Variants in IL6ST observed in about 807,000 individuals in gnomAD.
IL6ST encodes the protein interleukin 6 cytokine family signal transducer.
Under a neutral mutation model 91.3 loss-of-function variants are expected in IL6ST, and 24 were observed. That is an observed-to-expected ratio of 0.26 (90% CI 0.19 to 0.37). IL6ST has a LOEUF of 0.37. IL6ST is among the 10% of genes least tolerant of loss of function. IL6ST has a pLI of 1.00. For synonymous variants in IL6ST, 351 were observed against 373.6 expected, an observed-to-expected ratio of 0.94 and a Z score of 0.70; for missense variants, 914 against 1,078.5, an observed-to-expected ratio of 0.85 and a Z score of 2.14.
intron 9 of IL6ST, among the ~76,000 whole-genome samples, chr5:55,956,578 A>G (rs1453964597): frequency 6.6e-6 from 1 of 152,192 alleles, no homozygotes; most frequent in Admixed American, 6.5e-5. Context: ...TGCACTTACC[A>G]GCATACATTT....
chr5:55,964,938 T>C (rs1266157760), intron 5 of IL6ST, among the ~76,000 whole-genome samples: 1 of 152,092 alleles, frequency 6.6e-6, no homozygotes, highest in Admixed American at 6.6e-5. Flanking sequence ...ACAAAAATGG[T>C]TAGCCTCTAA....
intron 2 of IL6ST, among the ~76,000 whole-genome samples, chr5:55,977,930 C>T (rs1453090204): frequency 1.3e-5 from 2 of 151,932 alleles, no homozygotes; most frequent in East Asian, 3.9e-4. Context: ...ACCCGGAAGG[C>T]AGGGGCTGCA....
chr5:55,945,648 CTTTTTTTTT>C (rs70995749), intron 15 of IL6ST, among the ~76,000 whole-genome samples: 8 of 41,684 alleles, frequency 1.9e-4, no homozygotes, highest in South Asian at 2.7e-3. Context: ...AAAACTTATG[CTTTTTTTTT>C]TTTTTTTTTT....
chr5:55,982,623 TCTC>T, intron 2 of IL6ST, 98 bp downstream of exon 2: 1 of 394,986 alleles, frequency 2.5e-6, no homozygotes, highest in African/African-American at 2.1e-5. Context: ...TTCACTTTAG[TCTC>T]CTAATATCCT....
At chr5:55,993,294 G>C (rs1754437512) in intron 1 of IL6ST, among the ~76,000 whole-genome samples, 1 of 152,188 alleles carries the variant, frequency 6.6e-6, no homozygotes, top group Admixed American at 6.5e-5. Flanking sequence ...TCAGAGCACA[G>C]GATTTGGAGT....
At chr5:55,961,660 A>T (rs1045185755) in intron 7 of IL6ST, among the ~76,000 whole-genome samples, 1 of 151,920 alleles carries the variant, frequency 6.6e-6, no homozygotes, top group South Asian at 2.1e-4. Flanking sequence ...CGGGAGTCTG[A>T]GGCAGAAGAA....
At position 55,941,437 on chromosome 5, in the gene IL6ST, T is replaced by C; in HGVS notation, c.2402A>G (p.His801Arg). Reference sequence around the variant, plus strand: ...CAAAATACCATCACCGCCATCTACATGATCTACTAATTGTAGATCTTCTGG... The same window carrying C: ...CAAAATACCATCACCGCCATCTACACGATCTACTAATTGTAGATCTTCTGG... ...ERPEDLQLVDHVDGGDGILPR... is the reference protein window; with the variant it reads ...ERPEDLQLVDRVDGGDGILPR... The change falls in exon 17 of 17, where the codon CAT becomes CGT. Residue 801 changes from histidine (H) to arginine (R), a missense_variant. His to Arg is a conservative substitution (Grantham distance 29). Coordinates refer to ENST00000381298, the MANE Select transcript of IL6ST (RefSeq NM_002184.4). The C allele has an allele frequency of 6.2e-7, 1 of 1,614,180 alleles. No homozygotes were observed. Among genetic ancestry groups the C allele is most frequent in the Non-Finnish European group, 8.5e-7 (1 of 1,180,006 alleles).
intron 1 of IL6ST, among the ~76,000 whole-genome samples, chr5:55,987,802 T>C (rs914791890): frequency 2.6e-5 from 4 of 152,198 alleles, no homozygotes; most frequent in African/African-American, 9.6e-5. Flanking sequence ...TTATTATTAG[T>C]GCAGCTCTTG....
chr5:55,988,073 G>C (rs1170953885), intron 1 of IL6ST, among the ~76,000 whole-genome samples: 1 of 151,082 alleles, frequency 6.6e-6, no homozygotes, highest in Non-Finnish European at 1.5e-5. Flanking sequence ...AGAGGTTGCA[G>C]TGAGCCGAGA....
rs1328086907 is a variant in IL6ST, at chr5:55,936,641, GA to G, written c.*4440del. ...AGTCAGATGATAGTAACCACATACA[GA>G]AAAAAAATTTGAACAAGTATTTATT... On this transcript the variant is annotated 3_prime_UTR_variant, in exon 17 of 17. Transcript: ENST00000381298. 3 of 194,782 alleles carry G rather than the reference GA, an allele frequency of 1.5e-5. No individual in the cohort carries two copies. The highest frequency in any genetic ancestry group is 2.3e-5 in the African/African-American group (1 of 43,164). 12.1% of individuals were successfully genotyped at this position (194,782 alleles called of 1,614,324 possible). A position where few individuals can be genotyped will look rare whatever the true frequency, so the allele number is the denominator to read the frequency against.
intron 14 of IL6ST, among the ~76,000 whole-genome samples, chr5:55,949,781 C>T (rs1390717642): frequency 6.6e-6 from 1 of 152,116 alleles, no homozygotes; most frequent in Non-Finnish European, 1.5e-5. Flanking sequence ...TCATTTATTC[C>T]CTCATTCAGC....
intron 14 of IL6ST, among the ~76,000 whole-genome samples, chr5:55,949,563 G>A (rs1013836252): frequency 6.6e-6 from 1 of 152,060 alleles, no homozygotes; most frequent in Admixed American, 6.5e-5. Context: ...TGTAGAGATG[G>A]CTGGTCTCCA....
intron 10 of IL6ST, among the ~76,000 whole-genome samples, chr5:55,955,728 T>C (rs1468253488): frequency 6.6e-6 from 1 of 152,188 alleles, no homozygotes; most frequent in African/African-American, 2.4e-5. Flanking sequence ...TTCCTAAAAA[T>C]GCGATCACTA....
At chr5:55,951,727 T>TA in intron 13 of IL6ST, 123 bp from the exon 14 acceptor site, 1 of 953,048 alleles carries the variant, frequency 1.0e-6, no homozygotes, top group Non-Finnish European at 1.6e-6. Context: ...ACAACTTTTA[T>TA]AATGTTCTGA....
chr5:55,951,229 C>T (rs1285214988), intron 14 of IL6ST, among the ~76,000 whole-genome samples: 4 of 152,072 alleles, frequency 2.6e-5, no homozygotes, highest in African/African-American at 7.2e-5. Flanking sequence ...TGGAAAGATA[C>T]ACAAATTCTT....
At chr5:55,983,815 C>T (rs1753798886) in intron 1 of IL6ST, among the ~76,000 whole-genome samples, 2 of 151,890 alleles carry the variant, frequency 1.3e-5, no homozygotes, top group African/African-American at 2.4e-5. Context: ...TATAAATATA[C>T]ACACTTTTCT....
Position 55,951,959 on chromosome 5 carries a change from ATATAG to A in IL6ST, c.1664_1668del (p.Thr555IlefsTer3), listed in dbSNP as rs1561165119. 2 of 1,491,890 alleles carry A rather than the reference ATATAG, an allele frequency of 1.3e-6. No homozygotes were observed. Among genetic ancestry groups the A allele is most frequent in the Non-Finnish European group, 1.9e-6 (2 of 1,071,076 alleles). The allele number at this position is 1,491,890 out of a possible 1,614,324, so 92.4% of individuals were successfully genotyped here. Reference sequence around the variant, plus strand: ...TCATTTCCAATGATGGTTCTATAAAATATAGTATAATTTCTGATAAATCCATTCTG... The same window carrying A: ...TCATTTCCAATGATGGTTCTATAAAATATAATTTCTGATAAATCCATTCTG... On this transcript the variant is annotated frameshift_variant, in exon 13 of 17. Transcript: ENST00000381298. LOFTEE classifies it high-confidence loss of function.
chr5:55,946,574 T>C (rs1032689080), intron 15 of IL6ST, among the ~76,000 whole-genome samples: 3 of 152,084 alleles, frequency 2.0e-5, no homozygotes, highest in Non-Finnish European at 2.9e-5. Flanking sequence ...CCAGCACTTT[T>C]GGGAAGCCAA....
intron 1 of IL6ST, among the ~76,000 whole-genome samples, chr5:55,989,602 T>C (rs895884253): frequency 6.6e-6 from 1 of 152,198 alleles, no homozygotes; most frequent in African/African-American, 2.4e-5. Context: ...GTTCTCACCA[T>C]TGCTTAAGAA....
Sources: gnomAD v4.1 joint callset for allele counts (sites outside exome capture counted in the v4.1 genomes callset) on GRCh38, gnomAD v4.1.1 for gene constraint, MANE v1.5 for transcripts, NCBI Gene and HGNC (gene_info 2026-07-23, HGNC 2026-07-21) for gene names.